STK32B: variants seen among roughly 807,000 people sequenced by gnomAD.
STK32B encodes the protein serine/threonine-protein kinase 32B.
STK32B carries 43 observed loss-of-function variants against 52.6 expected under a neutral mutation model. The observed-to-expected ratio is 0.82, with a 90% CI of 0.64 to 1.05. STK32B has a LOEUF of 1.05. STK32B is among the 50% of genes least tolerant of loss of function. STK32B has a pLI of 0.00. For missense variants in STK32B, 621 were observed against 534.6 expected (o/e 1.16, Z -1.59); for synonymous variants, 238 against 204.3 (o/e 1.17, Z -1.41).
intron 1 of STK32B, among the ~76,000 whole-genome samples, chr4:5,137,198 A>C (rs1295538120): frequency 6.6e-6 from 1 of 152,168 alleles, no homozygotes; most frequent in East Asian, 1.9e-4. Flanking sequence ...GAAGGCAGTA[A>C]TCATGCACTC....
chr4:5,247,305 T>G (rs1725528819), intron 3 of STK32B, among the ~76,000 whole-genome samples: 1 of 152,202 alleles, frequency 6.6e-6, no homozygotes. Context: ...ACTGCTGCCT[T>G]GCAGTTAGAT....
At chr4:5,449,749 C>A (rs1329323973) in intron 7 of STK32B, among the ~76,000 whole-genome samples, 1 of 152,112 alleles carries the variant, frequency 6.6e-6, no homozygotes, top group African/African-American at 2.4e-5. Context: ...ATTAGACTCT[C>A]ATGGGAGTGC....
At chr4:5,089,549 G>T (rs1184779619) in intron 1 of STK32B, among the ~76,000 whole-genome samples, 1 of 152,134 alleles carries the variant, frequency 6.6e-6, no homozygotes, top group Non-Finnish European at 1.5e-5. Context: ...GTATTTCATG[G>T]TGTATATGTG....
At chr4:5,435,890 C>G (rs1308308632) in intron 6 of STK32B, 1 of 152,352 alleles carries the variant, frequency 6.6e-6, no homozygotes, top group Non-Finnish European at 1.5e-5. Flanking sequence ...GAGGCCTATT[C>G]TGAGGAGTCC....
chr4:5,246,573 T>C (rs998257009), intron 3 of STK32B, among the ~76,000 whole-genome samples: 3 of 152,210 alleles, frequency 2.0e-5, no homozygotes. Context: ...TCTCTCAACT[T>C]GTCATAGTCA....
At chr4:5,098,320 A>G (rs1314347242) in intron 1 of STK32B, among the ~76,000 whole-genome samples, 1 of 152,224 alleles carries the variant, frequency 6.6e-6, no homozygotes, top group Non-Finnish European at 1.5e-5. Flanking sequence ...TGTATTATTC[A>G]TGTAACAGGA....
At chr4:5,495,622 G>A (rs1220788719) in intron 11 of STK32B, among the ~76,000 whole-genome samples, 3 of 152,178 alleles carry the variant, frequency 2.0e-5, no homozygotes, top group Non-Finnish European at 4.4e-5. Flanking sequence ...CTGGTGAGGA[G>A]CTGCATTCCT....
chr4:5,090,098 T>C (rs1196718485), intron 1 of STK32B, among the ~76,000 whole-genome samples: 2 of 152,206 alleles, frequency 1.3e-5, no homozygotes, highest in Non-Finnish European at 2.9e-5. Flanking sequence ...TCCTTGTAAA[T>C]TCTGGGTATT....
chr4:5,339,152 C>T (rs1272358007), intron 4 of STK32B, among the ~76,000 whole-genome samples: 2 of 152,170 alleles, frequency 1.3e-5, no homozygotes, highest in Non-Finnish European at 2.9e-5. Context: ...ACACTAACGG[C>T]CTCCAATTTC....
intron 1 of STK32B, among the ~76,000 whole-genome samples, chr4:5,081,179 C>T (rs10937621): frequency 2.0e-5 from 3 of 152,016 alleles, no homozygotes; most frequent in Admixed American, 6.6e-5. Flanking sequence ...CTGACTAATA[C>T]GTTTAATATA....
intron 4 of STK32B, among the ~76,000 whole-genome samples, chr4:5,342,336 G>A (rs1733141146): frequency 6.6e-6 from 1 of 152,162 alleles, no homozygotes; most frequent in South Asian, 2.1e-4. Context: ...TTAAGAAAAT[G>A]TGGCACATAT....
At chr4:5,457,724 C>T (rs937550346) in intron 8 of STK32B, among the ~76,000 whole-genome samples, 2 of 151,560 alleles carry the variant, frequency 1.3e-5, no homozygotes, top group South Asian at 4.2e-4. Context: ...AAAGTAGCCA[C>T]CTACAAAAGT....
Position 5,463,488 on chromosome 4 carries a change from TCACA to T in STK32B, c.910-3212_910-3209del, listed in dbSNP as rs1717191536. Among the ~76,000 whole-genome samples the T allele has an allele frequency of 2.0e-5, 3 of 151,752 alleles. No individual in the cohort carries two copies. The East Asian group carries it at 5.8e-4, about 29-fold the overall frequency. ...TGCACACTCACACACTCAGTCACACTCACACATAGACACACATGCACACTCATTC... is the reference window on the plus strand; with the variant it reads ...TGCACACTCACACACTCAGTCACACTCATAGACACACATGCACACTCATTC... On this transcript the variant is annotated intron_variant, in intron 9 of 11. Transcript: ENST00000282908.
chr4:5,466,035 C>T (rs780928966), intron 9 of STK32B, among the ~76,000 whole-genome samples: 3 of 152,236 alleles, frequency 2.0e-5, no homozygotes, highest in Non-Finnish European at 4.4e-5. Context: ...CGCGCCAAAG[C>T]TGCTGTTATA....
chr4:5,265,129 A>T (rs1289298314), intron 3 of STK32B, among the ~76,000 whole-genome samples: 1 of 152,168 alleles, frequency 6.6e-6, no homozygotes, highest in East Asian at 1.9e-4. Flanking sequence ...TTTTAATCCC[A>T]TATAGATAAT....
At chr4:5,356,559 G>A (rs114652421) in intron 4 of STK32B, among the ~76,000 whole-genome samples, 1,555 of 152,144 alleles carry the variant, frequency 0.01, 17 homozygotes, top group Non-Finnish European at 0.017. Flanking sequence ...CTTGTTATGC[G>A]CTACATTCAC....
At chr4:5,149,309 G>A (rs1182864911) in intron 2 of STK32B, among the ~76,000 whole-genome samples, 1 of 151,712 alleles carries the variant, frequency 6.6e-6, no homozygotes, top group Non-Finnish European at 1.5e-5. Flanking sequence ...CTGCCTTTTA[G>A]TTGTATTGTT....
At chr4:5,167,217 G>C (rs1718946401) in intron 2 of STK32B, among the ~76,000 whole-genome samples, 1 of 152,182 alleles carries the variant, frequency 6.6e-6, no homozygotes, top group African/African-American at 2.4e-5. Context: ...CCCCAGGTAA[G>C]GCAGTCGCTC....
At chr4:5,319,111 G>A (rs770532798) in intron 3 of STK32B, among the ~76,000 whole-genome samples, 51 of 152,130 alleles carry the variant, frequency 3.4e-4, no homozygotes, top group Admixed American at 1.6e-3. Context: ...GCTAAAAATA[G>A]CAAGTATTTC....
Sources: allele counts gnomAD v4.1 joint callset (sites outside exome capture counted in the v4.1 genomes callset), GRCh38; gene constraint gnomAD v4.1.1; transcripts MANE v1.5; gene names NCBI Gene and HGNC (gene_info 2026-07-23, HGNC 2026-07-21).